Variants in RHBDD1 observed in about 807,000 individuals in gnomAD.
RHBDD1 encodes rhomboid-related protein 4.
A neutral mutation model predicts 36.3 loss-of-function variants in RHBDD1; 38 were observed. The ratio of observed to expected loss-of-function variants is 1.05; its 90% confidence interval spans 0.81 to 1.37. The LOEUF is 1.37. Ranked by LOEUF, RHBDD1 falls within the 40% of genes most tolerant of loss-of-function variation. The pLI is 0.00. For missense variants in RHBDD1, 393 were observed against 377.6 expected (o/e 1.04, Z -0.34); for synonymous variants, 151 against 136.5 (o/e 1.11, Z -0.74).
chr2:226,907,149 G>A (rs115463727), intron 6 of RHBDD1: 226 of 508,840 alleles, frequency 4.4e-4, no homozygotes, highest in African/African-American at 3.8e-3. Flanking sequence ...AATGCTACCC[G>A]CAGAAAACCA....
At chr2:226,938,638 C>T (rs1950492030) in intron 8 of RHBDD1, among the ~76,000 whole-genome samples, 1 of 151,980 alleles carries the variant, frequency 6.6e-6, no homozygotes, top group Non-Finnish European at 1.5e-5. Flanking sequence ...AAATAGCCTA[C>T]CAACCACAAA....
At chr2:226,858,043 G>A (rs1211051343) in intron 3 of RHBDD1, among the ~76,000 whole-genome samples, 1 of 152,104 alleles carries the variant, frequency 6.6e-6, no homozygotes, top group East Asian at 1.9e-4. Flanking sequence ...CATCGCCAAG[G>A]TCTGATTTTT....
At chr2:226,802,005 T>C in the RHBDD1 span, among the ~76,000 whole-genome samples, 2 of 151,954 alleles carry the variant, frequency 1.3e-5, no homozygotes, top group Non-Finnish European at 1.5e-5. Context: ...GCCCTGTCCC[T>C]ACCTCCGTCC....
In RHBDD1 at chr2:226,996,745, TTTTTATAATTTTATATTACTG is replaced by T. The variant is rs1959443688; in HGVS notation, c.*1225_*1245del. The T allele has an allele frequency of 6.6e-6, 1 of 152,224 alleles. No individual in the cohort carries two copies. The highest frequency in any genetic ancestry group is 1.5e-5 in the Non-Finnish European group (1 of 68,038). 9.4% of individuals were successfully genotyped at this position (152,224 alleles called of 1,614,324 possible). On this transcript the variant is annotated 3_prime_UTR_variant, in exon 9 of 9. Transcript: ENST00000392062. ...AGTACATGGGATTTTGCTTTCTTCATTTTTATAATTTTATATTACTGTCTTGGAAGATGTGTTTATGTGTGT... is the reference window on the plus strand; with the variant it reads ...AGTACATGGGATTTTGCTTTCTTCATTCTTGGAAGATGTGTTTATGTGTGT...
the RHBDD1 span, among the ~76,000 whole-genome samples, chr2:226,812,301 G>A: frequency 6.6e-6 from 1 of 152,350 alleles, no homozygotes; most frequent in African/African-American, 2.4e-5. Flanking sequence ...TGGGGTAGGA[G>A]TATAAATTCT....
chr2:226,975,241 T>C (rs1376896350), intron 8 of RHBDD1, among the ~76,000 whole-genome samples: 1 of 152,158 alleles, frequency 6.6e-6, no homozygotes, highest in Non-Finnish European at 1.5e-5. Context: ...TCGATGCCCC[T>C]GAGGTAATTA....
intron 5 of RHBDD1, among the ~76,000 whole-genome samples, chr2:226,871,773 G>A (rs185922041): frequency 6.6e-6 from 1 of 152,246 alleles, no homozygotes; most frequent in East Asian, 1.9e-4. Context: ...CTTTTTTGGC[G>A]ATAATACTCC....
In RHBDD1 at chr2:226,856,733, A is replaced by G. The variant is rs568421059; in HGVS notation, c.-90-7871A>G. ...TATATTTTGACCACGTTAATGCGCTATTTGTGATGCACTAATTTGCTGTCT... is the reference window on the plus strand; with the variant it reads ...TATATTTTGACCACGTTAATGCGCTGTTTGTGATGCACTAATTTGCTGTCT... On this transcript the variant is annotated intron_variant, in intron 3 of 8. Transcript: ENST00000392062. 9.8e-5 allele frequency among the ~76,000 whole-genome samples: 15 copies of G among 152,356 alleles called. 1 individual carries two copies. In the South Asian group the frequency reaches 3.1e-3, roughly 32 times the overall value.
chr2:226,978,364 G>T (rs935603582), intron 8 of RHBDD1, among the ~76,000 whole-genome samples: 1 of 152,146 alleles, frequency 6.6e-6, no homozygotes, highest in Non-Finnish European at 1.5e-5. Context: ...GTAGAGAAAG[G>T]TTGGATGGTA....
At chr2:226,950,913 A>G (rs145083990) in intron 8 of RHBDD1, among the ~76,000 whole-genome samples, 10 of 152,258 alleles carry the variant, frequency 6.6e-5, no homozygotes, top group African/African-American at 2.4e-4. Flanking sequence ...AATTTTTCCC[A>G]TTCCATCAGT....
At chr2:226,888,699 T>C (rs1946440631) in intron 5 of RHBDD1, among the ~76,000 whole-genome samples, 1 of 152,238 alleles carries the variant, frequency 6.6e-6, no homozygotes, top group African/African-American at 2.4e-5. Flanking sequence ...TACATTTCTT[T>C]CTTTGCCAAA....
chr2:226,817,726 T>G, the RHBDD1 span, among the ~76,000 whole-genome samples: 1 of 152,224 alleles, frequency 6.6e-6, no homozygotes, highest in Non-Finnish European at 1.5e-5. Flanking sequence ...GAAGCCAGTA[T>G]ATTCTCAAAG....
chr2:226,904,417 G>GT (rs368897508), intron 5 of RHBDD1, among the ~76,000 whole-genome samples: 1 of 148,346 alleles, frequency 6.7e-6, no homozygotes, highest in African/African-American at 2.5e-5. Context: ...CTGCAAGCGG[G>GT]GGGGGAGGGG....
intron 8 of RHBDD1, among the ~76,000 whole-genome samples, chr2:226,980,408 G>T (rs187544247): frequency 4.5e-4 from 68 of 152,278 alleles, no homozygotes; most frequent in African/African-American, 1.6e-3. Context: ...TGAAATGCCT[G>T]GAAGAGAAAA....
chr2:226,828,283 A>G, the RHBDD1 span, among the ~76,000 whole-genome samples: 16 of 152,234 alleles, frequency 1.1e-4, no homozygotes, highest in Non-Finnish European at 2.9e-5. Context: ...TCCGTGTTAT[A>G]GGATGAATCA....
At chr2:226,860,954 GT>G (rs1158417151) in intron 3 of RHBDD1, among the ~76,000 whole-genome samples, 2 of 152,162 alleles carry the variant, frequency 1.3e-5, no homozygotes, top group Non-Finnish European at 1.5e-5. Context: ...GAATATAAGT[GT>G]TTTGTTATTT....
At chr2:226,877,430 A>G (rs144907723) in intron 5 of RHBDD1, among the ~76,000 whole-genome samples, 22 of 152,308 alleles carry the variant, frequency 1.4e-4, no homozygotes, top group African/African-American at 5.1e-4. Flanking sequence ...AGTGCCACAT[A>G]GAAGTTTTCC....
intron 3 of RHBDD1, among the ~76,000 whole-genome samples, chr2:226,847,859 C>G (rs1276660684): frequency 6.6e-6 from 1 of 152,188 alleles, no homozygotes; most frequent in African/African-American, 2.4e-5. Context: ...AATTCTCTCT[C>G]AGAGTAAACC....
intron 7 of RHBDD1, among the ~76,000 whole-genome samples, chr2:226,909,527 C>T (rs769738798): frequency 7.9e-5 from 12 of 152,022 alleles, no homozygotes; most frequent in Admixed American, 2.6e-4. Context: ...TGAATGTGCC[C>T]GTCCCCAAAT....
Sources: gnomAD v4.1 joint callset for allele counts (sites outside exome capture counted in the v4.1 genomes callset) on GRCh38, gnomAD v4.1.1 for gene constraint, MANE v1.5 for transcripts, NCBI Gene and HGNC (gene_info 2026-07-23, HGNC 2026-07-21) for gene names.